Variants in ABCG8 observed in about 807,000 individuals in gnomAD.
ABCG8 encodes ATP-binding cassette sub-family G member 8.
Under a neutral mutation model 71.3 loss-of-function variants are expected in ABCG8, and 81 were observed. The ratio of observed to expected loss-of-function variants is 1.14; its 90% CI spans 0.95 to 1.37. The LOEUF is 1.37. ABCG8 is among the 40% of genes most tolerant of loss of function. ABCG8 has a pLI of 0.00. For synonymous variants in ABCG8, 451 were observed against 354.7 expected (o/e 1.27, Z -3.05); for missense variants, 1,119 against 866.2 (o/e 1.29, Z -3.66).
At position 43,879,010 on chromosome 2, in the gene ABCG8, C is replaced by T. The variant is rs1218255827; in HGVS notation, c.*1097C>T. 1.3e-5 allele frequency: 2 copies of T among 152,288 alleles called. No individual in the cohort carries two copies. The highest frequency in any genetic ancestry group is 2.4e-5 in the African/African-American group (1 of 41,456). 9.4% of individuals were successfully genotyped at this position (152,288 alleles called of 1,614,324 possible). A position where few individuals can be genotyped will look rare whatever the true frequency, so the allele number is the denominator to read the frequency against. On this transcript the variant is annotated 3_prime_UTR_variant, in exon 13 of 13. Coordinates refer to ENST00000272286, the MANE Select transcript of ABCG8 (RefSeq NM_022437.3). ...GCCTTCCACCACGACTGCAAGTTTC[C>T]TGAGGCTGCCCCAGCCGTGCTGAAC...
intron 10 of ABCG8, 77 bp from the exon 11 acceptor site, chr2:43,875,069 A>G: frequency 1.2e-6 from 2 of 1,601,954 alleles, no homozygotes; most frequent in South Asian, 2.2e-5. Flanking sequence ...ATCTGGGGGC[A>G]CTGCTACTTT....
In ABCG8 at chr2:43,872,156, T is replaced by C. The variant is rs1431782778; in HGVS notation, c.1127+18T>C. 9 of 1,613,952 alleles carry C rather than the reference T, an allele frequency of 5.6e-6. No homozygotes were observed. The highest frequency in any genetic ancestry group is 6.8e-6 in the Non-Finnish European group (8 of 1,180,038). On this transcript the variant is annotated intron_variant, in intron 7 of 12. Coordinates refer to ENST00000272286, the MANE Select transcript of ABCG8 (RefSeq NM_022437.3). Reference sequence around the variant, plus strand: ...GTGGAAAGGTAAGGTGGCAGGCGACTCTGAGAGGAGAGCTCCCTGCAGAAG... The same window carrying C: ...GTGGAAAGGTAAGGTGGCAGGCGACCCTGAGAGGAGAGCTCCCTGCAGAAG...
Position 43,882,290 on chromosome 2 carries a change from A to AACAACT in ABCG8, c.*4379_*4384dup, listed in dbSNP as rs947290317. 2.0e-5 allele frequency: 3 copies of AACAACT among 152,174 alleles called. No individual in the cohort carries two copies. The highest frequency in any genetic ancestry group is 2.0e-4 in the Admixed American group (3 of 15,270). The allele number at this position is 152,174 out of a possible 1,614,324, so 9.4% of individuals were successfully genotyped here. ...CAACTCTTGTCATGATCCCAAATTA[A>AACAACT]ACAACTAGCAACAGAAATGTTCAAA... On this transcript the variant is annotated 3_prime_UTR_variant, in exon 13 of 13. Coordinates refer to ENST00000272286, the MANE Select transcript of ABCG8 (RefSeq NM_022437.3).
At chr2:43,873,344 A>C (rs1669846089) in intron 8 of ABCG8, among the ~76,000 whole-genome samples, 1 of 151,214 alleles carries the variant, frequency 6.6e-6, no homozygotes, top group South Asian at 2.1e-4. Flanking sequence ...GTGTGCCACC[A>C]CTCCTGACTA....
chr2:43,874,612 AC>A (rs1669898740), intron 10 of ABCG8, 129 bp downstream of exon 10: 1 of 767,822 alleles, frequency 1.3e-6, no homozygotes, highest in Admixed American at 2.0e-5. Context: ...CACCGATGCC[AC>A]CAGATGCCAC....
chr2:43,874,586 G>T, intron 10 of ABCG8, 103 bp downstream of exon 10: 1 of 947,546 alleles, frequency 1.1e-6, no homozygotes, highest in Non-Finnish European at 1.7e-6. Context: ...CCATGGGGCC[G>T]TGGGTCATGT....
chr2:43,859,584 G>A (rs58318775), intron 6 of ABCG8, among the ~76,000 whole-genome samples: 7,858 of 145,698 alleles, frequency 0.054, 250 homozygotes, highest in Middle Eastern at 0.14. Context: ...TAGAACTGTC[G>A]CTATCAATCT....
chr2:43,857,691 A>T (rs1268340189), intron 6 of ABCG8, among the ~76,000 whole-genome samples: 3 of 151,122 alleles, frequency 2.0e-5, no homozygotes, highest in African/African-American at 7.3e-5. Flanking sequence ...ACTATCTTTC[A>T]GGATAGAACT....
chr2:43,867,813 A>G (rs540474230), intron 6 of ABCG8, among the ~76,000 whole-genome samples: 1 of 151,976 alleles, frequency 6.6e-6, no homozygotes, highest in African/African-American at 2.4e-5. Context: ...CTATCTGGAT[A>G]GAATTCTCAC....
At chr2:43,843,147 C>G (rs770984198) in intron 1 of ABCG8, among the ~76,000 whole-genome samples, 2 of 152,210 alleles carry the variant, frequency 1.3e-5, no homozygotes, top group African/African-American at 4.8e-5. Flanking sequence ...CCTGGTCTGT[C>G]TCGCTCCATC....
intron 6 of ABCG8, among the ~76,000 whole-genome samples, chr2:43,854,335 A>T (rs1669026924): frequency 6.6e-6 from 1 of 152,142 alleles, no homozygotes; most frequent in South Asian, 2.1e-4. Context: ...TGTTATGAAA[A>T]TGGGAGGAAG....
intron 6 of ABCG8, among the ~76,000 whole-genome samples, chr2:43,871,401 T>C (rs1669767598): frequency 6.6e-6 from 1 of 151,720 alleles, no homozygotes; most frequent in Admixed American, 6.6e-5. Context: ...GATAGAATTC[T>C]CACCCTCTGG....
intron 1 of ABCG8, among the ~76,000 whole-genome samples, chr2:43,839,913 G>A (rs1668514739): frequency 6.6e-6 from 1 of 152,196 alleles, no homozygotes; most frequent in Non-Finnish European, 1.5e-5. Context: ...CGTAAGTTCT[G>A]CGAGAAAGCT....
At chr2:43,842,763 G>A (rs984977126) in intron 1 of ABCG8, among the ~76,000 whole-genome samples, 2 of 140,458 alleles carry the variant, frequency 1.4e-5, no homozygotes, top group African/African-American at 2.6e-5. Context: ...TCCTGAATTA[G>A]GTGTTTATCT....
At chr2:43,840,776 C>A (rs1668559078) in intron 1 of ABCG8, among the ~76,000 whole-genome samples, 1 of 152,176 alleles carries the variant, frequency 6.6e-6, no homozygotes, top group African/African-American at 2.4e-5. Flanking sequence ...CCTTTTCTGG[C>A]CCCCTCAGCT....
intron 6 of ABCG8, among the ~76,000 whole-genome samples, chr2:43,862,361 T>A (rs796381581): frequency 3.5e-3 from 480 of 137,456 alleles, no homozygotes; most frequent in South Asian, 7.6e-3. Flanking sequence ...TCTTACTGTG[T>A]ATCTGGATAG....
In ABCG8 at chr2:43,844,573, C is replaced by A. The variant is rs770421664; in HGVS notation, c.130C>A (p.Pro44Thr). 37 of 1,614,032 alleles carry A rather than the reference C, an allele frequency of 2.3e-5. No individual in the cohort carries two copies. The highest frequency in any genetic ancestry group is 1.6e-4 in the Middle Eastern group (1 of 6,084). The change falls in exon 2 of 13, where the codon CCC (proline) becomes ACC (threonine). Residue 44 changes from proline (P) to threonine (T), a missense_variant. By Grantham distance (38) the Pro-to-Thr change is conservative. Transcript: ENST00000272286. The stretch of plus-strand genomic sequence containing the variant: ...CCTGTACTTCACCTACAGTGGCCAG[C>A]CCAACACCCTGGAGGTCAGAGACCT... Reference protein sequence around the residue: ...NSLYFTYSGQPNTLEVRDLNY... With the variant: ...NSLYFTYSGQTNTLEVRDLNY...
intron 6 of ABCG8, among the ~76,000 whole-genome samples, chr2:43,869,902 G>C (rs570168221): frequency 6.7e-6 from 1 of 148,434 alleles, no homozygotes; most frequent in South Asian, 2.2e-4. Context: ...TAGAACTCTC[G>C]CTATCTGGAT....
chr2:43,844,411 C>A, intron 1 of ABCG8, 96 bp from the exon 2 acceptor site: 1 of 961,354 alleles, frequency 1.0e-6, no homozygotes, highest in Non-Finnish European at 1.6e-6. Context: ...CACGTCGGCT[C>A]TAAGAAGTTG....
Sources: allele counts gnomAD v4.1 joint callset (sites outside exome capture counted in the v4.1 genomes callset), GRCh38; gene constraint gnomAD v4.1.1; transcripts MANE v1.5; gene names NCBI Gene and HGNC (gene_info 2026-07-23, HGNC 2026-07-21).